The following MGAT5B variants were observed in gnomAD, a reference collection of about 807,000 sequenced individuals.
MGAT5B encodes the protein N-acetylglucosaminyl-transferase Vb.
MGAT5B carries 54 observed loss-of-function variants against 95.1 expected under a neutral mutation model. That is an observed-to-expected ratio of 0.57 (90% CI 0.46 to 0.71). The LOEUF is 0.71. Among genes scored for constraint, MGAT5B ranks in the 30% least tolerant of loss-of-function variants. The pLI is 0.00. For missense variants in MGAT5B, 935 were observed against 1,088.6 expected (o/e 0.86, Z 1.99); for synonymous variants, 464 against 451.0 (o/e 1.03, Z -0.36).
chr17:76,924,928 T>TTTCTTGG, intron 8 of MGAT5B, 38 bp from the exon 9 acceptor site: 1 of 1,609,860 alleles, frequency 6.2e-7, no homozygotes, highest in African/African-American at 1.3e-5. Context: ...GGCAGGTGGG[T>TTTCTTGG]TTCTTGGGGC....
chr17:76,941,199 T>C (rs1179085127), intron 15 of MGAT5B, among the ~76,000 whole-genome samples: 1 of 152,264 alleles, frequency 6.6e-6, no homozygotes, highest in African/African-American at 2.4e-5. Flanking sequence ...TGGAGGTTCT[T>C]GAAACTGCTG....
At chr17:76,885,610 G>A (rs945050723) in intron 3 of MGAT5B, among the ~76,000 whole-genome samples, 1 of 152,164 alleles carries the variant, frequency 6.6e-6, no homozygotes, top group Admixed American at 6.5e-5. Context: ...GGGGGAGGGG[G>A]AATATGCGCC....
In MGAT5B at chr17:76,949,392, A is replaced by G. The variant is rs1417973086; in HGVS notation, c.*554A>G. On this transcript the variant is annotated 3_prime_UTR_variant, in exon 18 of 18. Coordinates refer to ENST00000569840, the MANE Select transcript of MGAT5B (RefSeq NM_001199172.2). ...GAGGGGAGCCAGGCACACAGGGCCC[A>G]TTGGTGTTTGGGATGTGGACAGAGG... 6.5e-6 allele frequency: 1 copy of G among 154,412 alleles called. No homozygotes were observed. The highest frequency in any genetic ancestry group is 2.4e-5 in the African/African-American group (1 of 41,432). 9.6% of individuals were successfully genotyped at this position (154,412 alleles called of 1,614,324 possible).
At chr17:76,924,936 G>A (rs763689387) in intron 8 of MGAT5B, 30 bp from the exon 9 acceptor site, 1 of 1,610,668 alleles carries the variant, frequency 6.2e-7, no homozygotes, top group Admixed American at 1.7e-5. Context: ...GGTTTCTTGG[G>A]GCCCAGAATC....
chr17:76,873,952 A>G (rs925311994), intron 2 of MGAT5B, among the ~76,000 whole-genome samples: 8 of 152,066 alleles, frequency 5.3e-5, no homozygotes, highest in Non-Finnish European at 2.9e-5. Context: ...TAGACATCCC[A>G]AGTTAAATAG....
chr17:76,917,378 C>G lies in MGAT5B; in HGVS notation c.1026-7588C>G, dbSNP rs1420159144. On this transcript the variant is annotated intron_variant, in intron 8 of 17. Transcript: ENST00000569840. The surrounding 1 kb of genome is among the most constrained non-coding windows in gnomAD (Gnocchi z 6.1). The stretch of plus-strand genomic sequence containing the variant: ...CAGCAGGTATCTCGTCACCCCAGTC[C>G]AGCATACATTTATCACTTTGAAGGA... Among the ~76,000 whole-genome samples, 1 of 152,006 alleles carries G rather than the reference C, an allele frequency of 6.6e-6. No individual in the cohort carries two copies. Among genetic ancestry groups the G allele is most frequent in the Non-Finnish European group, 1.5e-5 (1 of 68,010 alleles).
intron 3 of MGAT5B, among the ~76,000 whole-genome samples, chr17:76,885,217 C>G (rs1221593763): frequency 6.6e-6 from 1 of 152,170 alleles, no homozygotes; most frequent in African/African-American, 2.4e-5. Flanking sequence ...GTGCATGGAT[C>G]CTTCTTCTCT....
chr17:76,890,948 G>C (rs1258369729), intron 3 of MGAT5B, among the ~76,000 whole-genome samples: 2 of 145,060 alleles, frequency 1.4e-5, no homozygotes, highest in Non-Finnish European at 3.0e-5. Context: ...GGCTGAGAGA[G>C]CTCTCTGGGG....
chr17:76,942,865 C>G (rs141090269), intron 15 of MGAT5B, among the ~76,000 whole-genome samples: 329 of 152,326 alleles, frequency 2.2e-3, no homozygotes, highest in Non-Finnish European at 4.0e-3. Flanking sequence ...CCTCCCTCTC[C>G]CCTCCCCTTG....
chr17:76,943,631 G>C (rs539672866), intron 15 of MGAT5B, among the ~76,000 whole-genome samples: 2 of 146,124 alleles, frequency 1.4e-5, no homozygotes, highest in Admixed American at 6.7e-5. Flanking sequence ...GGTGGGGGGG[G>C]GGTCTCATTT....
intron 9 of MGAT5B, 61 bp downstream of exon 9, chr17:76,925,158 T>C: frequency 6.2e-7 from 1 of 1,600,128 alleles, no homozygotes; most frequent in Non-Finnish European, 8.5e-7. Flanking sequence ...AGCTCCTCCT[T>C]CACGCCCTGC....
At chr17:76,880,018 G>T (rs1375048863) in intron 2 of MGAT5B, among the ~76,000 whole-genome samples, 1 of 152,188 alleles carries the variant, frequency 6.6e-6, no homozygotes, top group Non-Finnish European at 1.5e-5. Context: ...CCCGGTCCCA[G>T]CTGAGTTTTT....
At chr17:76,894,621 C>T (rs958447407) in intron 3 of MGAT5B, among the ~76,000 whole-genome samples, 21 of 151,922 alleles carry the variant, frequency 1.4e-4, no homozygotes, top group Admixed American at 5.9e-4. Context: ...TTTGGGAGGC[C>T]GAGGCAGGTG....
intron 2 of MGAT5B, among the ~76,000 whole-genome samples, chr17:76,875,714 T>C (rs1425490266): frequency 7.3e-6 from 1 of 136,398 alleles, no homozygotes; most frequent in Non-Finnish European, 1.5e-5. Flanking sequence ...TACACCACCA[T>C]ATTTTTATCC....
chr17:76,909,551 A>G (rs1968657797), intron 8 of MGAT5B, among the ~76,000 whole-genome samples: 1 of 152,312 alleles, frequency 6.6e-6, no homozygotes, highest in Non-Finnish European at 1.5e-5. Flanking sequence ...GGAGTGTTGG[A>G]GAGCAGAGGA....
At chr17:76,913,742 G>C (rs532144573) in intron 8 of MGAT5B, 2 of 499,614 alleles carry the variant, frequency 4.0e-6, no homozygotes, top group Non-Finnish European at 8.0e-6. Context: ...GATGCTTCTA[G>C]AAGGAGATGT....
chr17:76,891,671 C>A (rs1031178756), intron 3 of MGAT5B, among the ~76,000 whole-genome samples: 1 of 152,250 alleles, frequency 6.6e-6, no homozygotes, highest in South Asian at 2.1e-4. Context: ...TGAGCCACTG[C>A]GCCCGGCCCT....
Position 76,868,970 on chromosome 17 carries a change from T to C in MGAT5B, c.-60T>C. Reference sequence around the variant, plus strand: ...TTCGTGGCCCGGACGCGGCGAGAGCTGGGCCCAGGACGGTGCGTCCGGCCT... The same window carrying C: ...TTCGTGGCCCGGACGCGGCGAGAGCCGGGCCCAGGACGGTGCGTCCGGCCT... On this transcript the variant is annotated 5_prime_UTR_variant, in exon 1 of 18. Coordinates refer to ENST00000569840, the MANE Select transcript of MGAT5B (RefSeq NM_001199172.2). The surrounding 1 kb of genome is among the most constrained non-coding windows in gnomAD (Gnocchi z 6.3). 1 of 1,545,222 alleles carries C rather than the reference T, an allele frequency of 6.5e-7. No individual in the cohort carries two copies.
chr17:76,932,724 C>T lies in MGAT5B; in HGVS notation c.1371C>T (p.Gly457=). 3 of 1,613,930 alleles carry T rather than the reference C, an allele frequency of 1.9e-6. No homozygotes were observed. In the South Asian group the frequency reaches 3.3e-5, roughly 18 times the overall value. ...CGGAGAAGCGGCTCATCAAAGGCGG[C>T]AAGGCCAGCAACATGGCCGTGGTGT... ...NETEKRLIKG[G]KASNMAVVYG... The change falls in exon 11 of 18, where the codon GGC becomes GGT. Residue 457 remains glycine (G), a synonymous_variant. Transcript: ENST00000569840.
Sources: allele counts gnomAD v4.1 joint callset (sites outside exome capture counted in the v4.1 genomes callset), GRCh38; gene constraint gnomAD v4.1.1; non-coding constraint Gnocchi (gnomAD v3.1); transcripts MANE v1.5; gene names NCBI Gene and HGNC (gene_info 2026-07-23, HGNC 2026-07-21).